The following DGKB variants were observed in gnomAD, a reference collection of about 807,000 sequenced individuals.
The protein encoded by DGKB is diacylglycerol kinase beta.
In DGKB, 67 loss-of-function variants were observed where a neutral mutation model predicts 114.3. That is an observed-to-expected ratio of 0.59 (90% CI 0.48 to 0.72). The LOEUF (loss-of-function observed/expected upper bound fraction) is 0.72, where lower values mean the gene tolerates loss of function less well. Ranked by LOEUF, DGKB falls within the 30% of genes least tolerant of loss-of-function variation. The pLI, the probability that DGKB is intolerant of heterozygous loss-of-function variation, is 0.00. For missense variants in DGKB, 907 were observed against 975.2 expected (o/e 0.93, Z 0.93); for synonymous variants, 398 against 323.1 (o/e 1.23, Z -2.49).
chr7:14,279,985 C>T (rs1466711252), intron 23 of DGKB, among the ~76,000 whole-genome samples: 1 of 152,172 alleles, frequency 6.6e-6, no homozygotes, highest in African/African-American at 2.4e-5. Flanking sequence ...AGCTCCTCAC[C>T]AGTAACGGAA....
At chr7:14,270,034 T>G in intron 23 of DGKB, among the ~76,000 whole-genome samples, 1 of 101,566 alleles carries the variant, frequency 9.8e-6, no homozygotes, top group South Asian at 3.1e-4. Flanking sequence ...AAGTTTATTA[T>G]AAGGCTTTTT....
intron 17 of DGKB, among the ~76,000 whole-genome samples, chr7:14,603,497 A>G (rs1251338528): frequency 6.6e-6 from 1 of 152,128 alleles, no homozygotes; most frequent in African/African-American, 2.4e-5. Flanking sequence ...GTTATATAAA[A>G]TGATATTTTA....
intron 20 of DGKB, among the ~76,000 whole-genome samples, chr7:14,526,858 G>C (rs140587624): frequency 2.4e-4 from 37 of 152,134 alleles, no homozygotes; most frequent in African/African-American, 8.7e-4. Flanking sequence ...TGTGAACTTA[G>C]CAGTTCACCT....
Position 14,643,160 on chromosome 7 carries a change from G to C in DGKB, c.1135-12892C>G, listed in dbSNP as rs62445638. On this transcript the variant is annotated intron_variant, in intron 13 of 25. Coordinates refer to ENST00000402815, the MANE Select transcript of DGKB (RefSeq NM_001350709.2). ...TCCTGATGGCACAATAAAAATAAAA[G>C]CAAAGCAGCTAGCCAGGATCAGCAT... is the stretch of plus-strand genomic sequence containing the variant. Among the ~76,000 whole-genome samples, 881 of 152,246 alleles carry C rather than the reference G, an allele frequency of 5.8e-3. 4 individuals carry two copies. The highest frequency in any genetic ancestry group is 0.019 in the African/African-American group (808 of 41,540).
chr7:14,320,599 G>A (rs913709829), intron 23 of DGKB, among the ~76,000 whole-genome samples: 1 of 151,316 alleles, frequency 6.6e-6, no homozygotes, highest in African/African-American at 2.4e-5. Flanking sequence ...CATATATATA[G>A]TACATATATG....
At chr7:14,865,612 T>C (rs1851591022) in intron 1 of DGKB, among the ~76,000 whole-genome samples, 1 of 152,232 alleles carries the variant, frequency 6.6e-6, no homozygotes, top group Non-Finnish European at 1.5e-5. Flanking sequence ...ATGCCTAAAA[T>C]GGTTCCTGTA....
intron 23 of DGKB, among the ~76,000 whole-genome samples, chr7:14,244,054 G>T (rs199873729): frequency 3.3e-5 from 5 of 150,450 alleles, no homozygotes; most frequent in African/African-American, 1.2e-4. Flanking sequence ...AGAGAGAGAG[G>T]GAGAGAGAGA....
intron 21 of DGKB, among the ~76,000 whole-genome samples, chr7:14,380,134 G>C (rs987198290): frequency 6.6e-6 from 1 of 152,054 alleles, no homozygotes; most frequent in African/African-American, 2.4e-5. Flanking sequence ...AAAACTGGCA[G>C]AAATTTGTCT....
At chr7:14,694,598 C>A (rs886667271) in intron 8 of DGKB, among the ~76,000 whole-genome samples, 5 of 151,992 alleles carry the variant, frequency 3.3e-5, no homozygotes, top group African/African-American at 1.2e-4. Context: ...TAGTAAGGGG[C>A]GAAGGAATTT....
chr7:14,723,961 A>G lies in DGKB; in HGVS notation c.323-5276T>C, dbSNP rs984700128. Among the ~76,000 whole-genome samples, 8 of 152,264 alleles carry G rather than the reference A, an allele frequency of 5.3e-5. No individual in the cohort carries two copies. The East Asian group carries it at 1.5e-3, about 29-fold the overall frequency. On this transcript the variant is annotated intron_variant, in intron 5 of 25. Coordinates refer to ENST00000402815, the MANE Select transcript of DGKB (RefSeq NM_001350709.2). ...TCCAGCTTCAGGTTCAATTATTAGC[A>G]GATAAGTTTTGGGTAGCTGTTAAAT...
At chr7:14,597,383 T>C (rs1258011887) in intron 17 of DGKB, among the ~76,000 whole-genome samples, 2 of 152,198 alleles carry the variant, frequency 1.3e-5, no homozygotes, top group Admixed American at 6.5e-5. Context: ...GATATGTACA[T>C]AATTGAAGAT....
chr7:14,775,410 A>T (rs1181953633), intron 2 of DGKB, among the ~76,000 whole-genome samples: 1 of 151,440 alleles, frequency 6.6e-6, no homozygotes, highest in Non-Finnish European at 1.5e-5. Flanking sequence ...CCGAAATCTC[A>T]TCTTGAATTA....
intron 14 of DGKB, among the ~76,000 whole-genome samples, chr7:14,623,461 C>T (rs754847127): frequency 6.6e-6 from 1 of 152,094 alleles, no homozygotes; most frequent in Admixed American, 6.6e-5. Flanking sequence ...AGTATAATCA[C>T]CCTTCTCTGC....
chr7:14,160,756 T>A (rs1783758611), intron 25 of DGKB, among the ~76,000 whole-genome samples: 3 of 152,124 alleles, frequency 2.0e-5, no homozygotes, highest in African/African-American at 7.2e-5. Flanking sequence ...TTCACAGAAT[T>A]AGAAAAAACT....
intron 25 of DGKB, among the ~76,000 whole-genome samples, chr7:14,171,695 T>C (rs1463046609): frequency 6.6e-6 from 1 of 152,232 alleles, no homozygotes; most frequent in Non-Finnish European, 1.5e-5. Flanking sequence ...CATGTATTTA[T>C]ATATAAAAAT....
chr7:14,747,771 A>ACGCG (rs1344297768), intron 4 of DGKB, among the ~76,000 whole-genome samples: 4 of 92,120 alleles, frequency 4.3e-5, no homozygotes, highest in African/African-American at 2.8e-4. Flanking sequence ...AAACACATCC[A>ACGCG]CGCGCACGCA....
At chr7:14,298,728 A>G (rs1050174356) in intron 23 of DGKB, among the ~76,000 whole-genome samples, 3 of 152,212 alleles carry the variant, frequency 2.0e-5, no homozygotes, top group Non-Finnish European at 4.4e-5. Flanking sequence ...TGCACAGCAA[A>G]AGAAACTACC....
intron 20 of DGKB, among the ~76,000 whole-genome samples, chr7:14,489,766 A>G (rs941801466): frequency 1.6e-4 from 25 of 152,174 alleles, no homozygotes; most frequent in Admixed American, 6.5e-5. Flanking sequence ...TACAGGCAGC[A>G]GTGGAGCCTG....
intron 20 of DGKB, among the ~76,000 whole-genome samples, chr7:14,542,583 G>T (rs1466347031): frequency 6.6e-6 from 1 of 152,074 alleles, no homozygotes. Context: ...CTGGTCACCT[G>T]AACCATCCTG....
Sources: gnomAD v4.1 joint callset for allele counts (sites outside exome capture counted in the v4.1 genomes callset) on GRCh38, gnomAD v4.1.1 for gene constraint, MANE v1.5 for transcripts, NCBI Gene and HGNC (gene_info 2026-07-23, HGNC 2026-07-21) for gene names.